The following HSF1 variants were observed in gnomAD, a reference collection of about 807,000 sequenced individuals.
HSF1 encodes the protein heat shock factor protein 1.
HSF1 carries 32 observed loss-of-function variants against 51.7 expected under a neutral mutation model. The ratio of observed to expected loss-of-function variants is 0.62; its 90% CI spans 0.47 to 0.83. HSF1 has a LOEUF of 0.83. Ranked by LOEUF, HSF1 falls within the 40% of genes least tolerant of loss-of-function variation. The pLI is 0.00. For synonymous variants in HSF1, 396 were observed against 309.7 expected, an observed-to-expected ratio of 1.28 and a Z score of -2.92; for missense variants, 727 against 717.0, an observed-to-expected ratio of 1.01 and a Z score of -0.16.
chr8:144,312,325 C>T, intron 9 of HSF1, 81 bp downstream of exon 9: 1 of 1,069,756 alleles, frequency 9.3e-7, no homozygotes, highest in Middle Eastern at 3.0e-4. Context: ...TCCCAGTGGA[C>T]TGAGCAGGGC....
intron 1 of HSF1, chr8:144,292,669 G>C (rs1248422342): frequency 6.6e-6 from 1 of 152,286 alleles, no homozygotes; most frequent in Non-Finnish European, 1.5e-5. Flanking sequence ...ACCTGAAGAA[G>C]GGCCACACTG....
At position 144,311,949 on chromosome 8, in the gene HSF1, C is replaced by T. The variant is rs781894486; in HGVS notation, c.861-14C>T. The T allele has an allele frequency of 6.3e-7, 1 of 1,580,008 alleles. No individual in the cohort carries two copies. Among genetic ancestry groups the T allele is most frequent in the Non-Finnish European group, 8.6e-7 (1 of 1,163,326 alleles). ...GGCCGAGACGCCAGCTCACCTGGCCCCCCTCGTGTGCAGGCCCCTATCCAG... is the reference window on the plus strand; with the variant it reads ...GGCCGAGACGCCAGCTCACCTGGCCTCCCTCGTGTGCAGGCCCCTATCCAG... On this transcript the variant is annotated splice_polypyrimidine_tract_variant and intron_variant, in intron 8 of 12. Coordinates refer to ENST00000528838, the MANE Select transcript of HSF1 (RefSeq NM_005526.4).
intron 1 of HSF1, among the ~76,000 whole-genome samples, chr8:144,301,642 G>A (rs1453563734): frequency 7.2e-5 from 11 of 152,070 alleles, no homozygotes; most frequent in Non-Finnish European, 1.5e-5. Flanking sequence ...CAAGGCGGGC[G>A]GATCACCAGG....
chr8:144,309,605 C>G lies in HSF1; in HGVS notation c.363+14C>G, dbSNP rs1017452826. On this transcript the variant is annotated intron_variant, in intron 3 of 12. Transcript: ENST00000528838. ...AAAGTGACCAGTGTGAGTGCCGGCC[C>G]TGCACCCTTGCCCGGTCTCACCTGC... 1.2e-6 allele frequency: 2 copies of G among 1,613,392 alleles called. No individual in the cohort carries two copies. Among genetic ancestry groups the G allele is most frequent in the East Asian group, 4.5e-5 (2 of 44,876 alleles).
chr8:144,298,355 G>A (rs1008712903), intron 1 of HSF1, among the ~76,000 whole-genome samples: 9 of 152,054 alleles, frequency 5.9e-5, no homozygotes, highest in South Asian at 2.1e-4. Context: ...CCAGCACTTC[G>A]GGAGGCTGAG....
intron 1 of HSF1, chr8:144,292,486 C>A (rs782365406): frequency 2.6e-5 from 4 of 152,300 alleles, no homozygotes; most frequent in Non-Finnish European, 5.9e-5. Flanking sequence ...TCTTCAGTTG[C>A]CTGGCAGCAG....
chr8:144,301,773 G>A (rs1815896076), intron 1 of HSF1, among the ~76,000 whole-genome samples: 2 of 151,918 alleles, frequency 1.3e-5, no homozygotes, highest in Non-Finnish European at 2.9e-5. Context: ...GCTGAGGCAG[G>A]AGAATGGCGT....
chr8:144,298,611 AG>A (rs1815646482), intron 1 of HSF1, among the ~76,000 whole-genome samples: 2 of 145,878 alleles, frequency 1.4e-5, no homozygotes, highest in Non-Finnish European at 3.0e-5. Flanking sequence ...AAAAAAAAAA[AG>A]AAAGAAAAGA....
At chr8:144,308,357 T>C (rs532811730) in intron 1 of HSF1, among the ~76,000 whole-genome samples, 6 of 152,370 alleles carry the variant, frequency 3.9e-5, no homozygotes, top group Non-Finnish European at 7.3e-5. Flanking sequence ...GGAAGGTATA[T>C]GCAGTGTTTG....
intron 1 of HSF1, among the ~76,000 whole-genome samples, chr8:144,295,584 C>T (rs143407155): frequency 6.6e-6 from 1 of 152,252 alleles, no homozygotes; most frequent in African/African-American, 2.4e-5. Context: ...GATAAGGTCT[C>T]GCTCTGTTGC....
intron 1 of HSF1, among the ~76,000 whole-genome samples, chr8:144,303,000 T>C (rs1815997679): frequency 6.6e-6 from 1 of 152,048 alleles, no homozygotes; most frequent in Non-Finnish European, 1.5e-5. Flanking sequence ...GCGGAGCCCC[T>C]GGAACTCACC....
At position 144,295,095 on chromosome 8, in the gene HSF1, T is replaced by C. The variant is rs374061760; in HGVS notation, c.117+3221T>C. On this transcript the variant is annotated intron_variant, in intron 1 of 12. Transcript: ENST00000528838. ...CGGGACCCGCAGCCTCCCTGCCCCG[T>C]GCCCTGGTGCCGGCCCTCAGCCCAG... 5.6e-4 allele frequency among the ~76,000 whole-genome samples: 86 copies of C among 152,248 alleles called. 2 individuals are homozygous for C. The South Asian group carries it at 0.017, about 31-fold the overall frequency.
intron 1 of HSF1, among the ~76,000 whole-genome samples, chr8:144,301,275 C>T (rs1427821163): frequency 9.2e-5 from 14 of 151,946 alleles, no homozygotes; most frequent in Admixed American, 4.6e-4. Context: ...AAAAATTAGC[C>T]GGGCGTGGTA....
intron 9 of HSF1, 77 bp downstream of exon 9, chr8:144,312,321 T>A: frequency 9.0e-7 from 1 of 1,112,238 alleles, no homozygotes; most frequent in Non-Finnish European, 1.3e-6. Flanking sequence ...ACTGTCCCAG[T>A]GGACTGAGCA....
rs1332277575 is a variant in HSF1, at chr8:144,297,687, C to T, written c.117+5813C>T. ...CACGCGCTCCCTTTGCTCCTAAAGC[C>T]TATACTCCCGGGACCCGGAGAGGGA... On this transcript the variant is annotated intron_variant, in intron 1 of 12. Coordinates refer to ENST00000528838, the MANE Select transcript of HSF1 (RefSeq NM_005526.4). This position sits in a 1 kb window ranked among gnomAD's most constrained non-coding sequence, Gnocchi z 4.6. Among the ~76,000 whole-genome samples, 1 of 152,198 alleles carries T rather than the reference C, an allele frequency of 6.6e-6. No homozygotes were observed. The highest frequency in any genetic ancestry group is 1.5e-5 in the Non-Finnish European group (1 of 68,030).
In HSF1 at chr8:144,291,736, G is replaced by T. The variant is rs1554840362; in HGVS notation, c.-22G>T. ...GCCCCTCTTTGCGGCCGCTCCCTCC[G>T]CCTATTCCCTCCTTGCTCGAGATGG... On this transcript the variant is annotated 5_prime_UTR_variant, in exon 1 of 13. Coordinates refer to ENST00000528838, the MANE Select transcript of HSF1 (RefSeq NM_005526.4). The surrounding 1 kb of genome is among the most constrained non-coding windows in gnomAD (Gnocchi z 4.1). 7.2e-7 allele frequency: 1 copy of T among 1,394,142 alleles called. No individual in the cohort carries two copies. The highest frequency in any genetic ancestry group is 1.8e-4 in the Middle Eastern group (1 of 5,670). 86.4% of individuals were successfully genotyped at this position (1,394,142 alleles called of 1,614,324 possible). A position where few individuals can be genotyped will look rare whatever the true frequency, so the allele number is the denominator to read the frequency against.
chr8:144,314,097 C>T (rs782538619), intron 12 of HSF1, 28 bp from the exon 13 acceptor site: 9 of 1,533,486 alleles, frequency 5.9e-6, no homozygotes, highest in African/African-American at 4.1e-5. Flanking sequence ...CCCAACCCCC[C>T]ACCGCCTTGA....
At chr8:144,309,414 C>G in intron 2 of HSF1, 41 bp from the exon 3 acceptor site, 6 of 1,611,280 alleles carry the variant, frequency 3.7e-6, no homozygotes, top group Non-Finnish European at 5.1e-6. Flanking sequence ...GGTTCTGGTC[C>G]CGCCCTGAGG....
At chr8:144,303,216 CGT>C (rs1214882709) in intron 1 of HSF1, among the ~76,000 whole-genome samples, 1 of 151,892 alleles carries the variant, frequency 6.6e-6, no homozygotes, top group Admixed American at 6.6e-5. Flanking sequence ...TTGTTGCAGG[CGT>C]GTTTGGGGTT....
Sources: allele counts gnomAD v4.1 joint callset (sites outside exome capture counted in the v4.1 genomes callset), GRCh38; gene constraint gnomAD v4.1.1; non-coding constraint Gnocchi (gnomAD v3.1); transcripts MANE v1.5; gene names NCBI Gene and HGNC (gene_info 2026-07-23, HGNC 2026-07-21).